DOCK4: variants seen among roughly 807,000 people sequenced by gnomAD.
The protein encoded by DOCK4 is dedicator of cytokinesis 4.
DOCK4 carries 97 observed loss-of-function variants against 268.1 expected under a neutral mutation model. That is an observed-to-expected ratio of 0.36 (90% CI 0.31 to 0.43). The LOEUF (loss-of-function observed/expected upper bound fraction) is 0.43, where lower values mean the gene tolerates loss of function less well. Among genes scored for constraint, DOCK4 ranks in the 20% least tolerant of loss-of-function variants. The pLI is 1.00. For missense variants in DOCK4, 2,145 were observed against 2,455.7 expected, an observed-to-expected ratio of 0.87 and a Z score of 2.67; for synonymous variants, 954 against 887.2, an observed-to-expected ratio of 1.08 and a Z score of -1.34.
intron 35 of DOCK4, among the ~76,000 whole-genome samples, chr7:111,780,691 A>G (rs995509161): frequency 1.3e-5 from 2 of 152,254 alleles, no homozygotes; most frequent in African/African-American, 4.8e-5. Context: ...AAAGGATGTC[A>G]CAGCTCTCCT....
At position 112,060,666 on chromosome 7, in the gene DOCK4, C is replaced by G. The variant is rs576438721; in HGVS notation, c.38-56535G>C. ...AAAAGGAAGGAAATTCTGACATATG[C>G]TACAACATGGATGAACCTTGAGAAC... On this transcript the variant is annotated intron_variant, in intron 1 of 52. Transcript: ENST00000428084. 2.0e-5 allele frequency among the ~76,000 whole-genome samples: 3 copies of G among 152,248 alleles called. No individual in the cohort carries two copies. In the East Asian group the frequency reaches 5.8e-4, roughly 29 times the overall value.
At chr7:111,876,002 T>C (rs1484375140) in intron 17 of DOCK4, among the ~76,000 whole-genome samples, 2 of 152,200 alleles carry the variant, frequency 1.3e-5, no homozygotes, top group African/African-American at 4.8e-5. Context: ...AATTTCTGTT[T>C]AAGGATCTCA....
chr7:111,892,866 G>A (rs1408090316), intron 16 of DOCK4, among the ~76,000 whole-genome samples: 2 of 152,188 alleles, frequency 1.3e-5, no homozygotes, highest in African/African-American at 2.4e-5. Flanking sequence ...TACTTGGCAA[G>A]TATTTCACAA....
intron 16 of DOCK4, among the ~76,000 whole-genome samples, chr7:111,887,284 A>C (rs546068120): frequency 6.6e-6 from 1 of 152,192 alleles, no homozygotes. Context: ...GGGAAGACCA[A>C]CTGAAGATGT....
chr7:111,914,736 T>C (rs1792444427), intron 13 of DOCK4, among the ~76,000 whole-genome samples: 1 of 152,236 alleles, frequency 6.6e-6, no homozygotes, highest in African/African-American at 2.4e-5. Flanking sequence ...GCCCTTTACC[T>C]ACACTGGTTT....
chr7:111,855,029 G>A (rs1345711839), intron 23 of DOCK4, among the ~76,000 whole-genome samples: 1 of 152,144 alleles, frequency 6.6e-6, no homozygotes. Context: ...AGGATAAATG[G>A]GAATTAACTC....
intron 42 of DOCK4, among the ~76,000 whole-genome samples, chr7:111,749,284 A>G (rs1796478640): frequency 1.3e-5 from 2 of 152,208 alleles, no homozygotes; most frequent in South Asian, 4.1e-4. Context: ...AGCTCTGAGT[A>G]ACTGAAAGTT....
chr7:112,148,270 C>T (rs1815705692), intron 1 of DOCK4, among the ~76,000 whole-genome samples: 2 of 152,128 alleles, frequency 1.3e-5, no homozygotes, highest in South Asian at 2.1e-4. Flanking sequence ...AGCCACATCT[C>T]AGCTCTCCAG....
At chr7:111,810,976 T>G (rs1388687938) in intron 28 of DOCK4, among the ~76,000 whole-genome samples, 2 of 152,116 alleles carry the variant, frequency 1.3e-5, no homozygotes, top group African/African-American at 4.8e-5. Context: ...CATTCCAGCC[T>G]GGGCAACAGA....
intron 1 of DOCK4, among the ~76,000 whole-genome samples, chr7:112,117,287 C>T (rs532213870): frequency 6.6e-5 from 10 of 152,208 alleles, no homozygotes; most frequent in East Asian, 1.9e-4. Flanking sequence ...TCATATTTAT[C>T]GTAGTATTTG....
chr7:111,942,313 T>C (rs1207269450), intron 10 of DOCK4, among the ~76,000 whole-genome samples: 1 of 152,204 alleles, frequency 6.6e-6, no homozygotes, highest in Non-Finnish European at 1.5e-5. Context: ...CTGTTGCTCC[T>C]GCTTTCTGCA....
At chr7:111,917,630 C>G (rs192469802) in intron 12 of DOCK4, among the ~76,000 whole-genome samples, 2 of 151,314 alleles carry the variant, frequency 1.3e-5, no homozygotes, top group Non-Finnish European at 1.5e-5. Context: ...GGCGTGGGCC[C>G]GGGAGGTGGA....
chr7:111,740,759 A>AAAAAAAAG (rs1795861622), intron 47 of DOCK4, among the ~76,000 whole-genome samples: 1 of 136,394 alleles, frequency 7.3e-6, no homozygotes, highest in African/African-American at 2.7e-5. Context: ...AAAAAAAAAA[A>AAAAAAAAG]AGGCAAGCTA....
chr7:111,954,825 T>C (rs945807033), intron 8 of DOCK4, among the ~76,000 whole-genome samples: 1 of 152,150 alleles, frequency 6.6e-6, no homozygotes, highest in Non-Finnish European at 1.5e-5. Context: ...TGTTGTTTGT[T>C]GGCGTGCTCT....
At chr7:112,098,617 C>T (rs141176585) in intron 1 of DOCK4, among the ~76,000 whole-genome samples, 3 of 148,490 alleles carry the variant, frequency 2.0e-5, no homozygotes, top group African/African-American at 4.9e-5. Context: ...AGTAATATTA[C>T]ATGTAAATAC....
At chr7:112,146,979 C>A (rs1440315390) in intron 1 of DOCK4, among the ~76,000 whole-genome samples, 1 of 151,962 alleles carries the variant, frequency 6.6e-6, no homozygotes, top group Non-Finnish European at 1.5e-5. Flanking sequence ...CCCAAAGCAC[C>A]TTATAAATAC....
chr7:111,842,116 T>C (rs1313042810), intron 25 of DOCK4, among the ~76,000 whole-genome samples: 1 of 152,160 alleles, frequency 6.6e-6, no homozygotes, highest in Non-Finnish European at 1.5e-5. Context: ...TAGCCATACT[T>C]CTCCCCTATT....
intron 23 of DOCK4, among the ~76,000 whole-genome samples, chr7:111,861,209 T>C (rs1012910253): frequency 6.6e-6 from 1 of 152,082 alleles, no homozygotes; most frequent in African/African-American, 2.4e-5. Flanking sequence ...AGCAGCAGAG[T>C]TGGAAAACCA....
chr7:111,761,466 G>C (rs1797401816), intron 39 of DOCK4, among the ~76,000 whole-genome samples: 1 of 152,138 alleles, frequency 6.6e-6, no homozygotes. Flanking sequence ...AGTGTATGCA[G>C]GAAAAACACC....
Sources: gnomAD v4.1 joint callset for allele counts (sites outside exome capture counted in the v4.1 genomes callset) on GRCh38, gnomAD v4.1.1 for gene constraint, MANE v1.5 for transcripts, NCBI Gene and HGNC (gene_info 2026-07-23, HGNC 2026-07-21) for gene names.